The following EFCAB12 variants were observed in gnomAD, a reference collection of about 807,000 sequenced individuals.
The protein encoded by EFCAB12 is EF-hand calcium binding domain 12.
A neutral mutation model predicts 53.6 loss-of-function variants in EFCAB12; 43 were observed. The ratio of observed to expected loss-of-function variants is 0.80; its 90% CI spans 0.63 to 1.03. EFCAB12 has a LOEUF of 1.03. Ranked by LOEUF, EFCAB12 falls within the 50% of genes least tolerant of loss-of-function variation. EFCAB12 has a pLI of 0.00. For missense variants in EFCAB12, 646 were observed against 730.6 expected (o/e 0.88, Z 1.34); for synonymous variants, 269 against 289.2 (o/e 0.93, Z 0.71).
Position 129,418,426 on chromosome 3 carries a change from C to T in EFCAB12, c.509G>A (p.Arg170Gln), listed in dbSNP as rs374044089. The T allele has an allele frequency of 3.0e-5, 48 of 1,610,176 alleles. No homozygotes were observed. The highest frequency in any genetic ancestry group is 5.3e-5 in the African/African-American group (4 of 74,860). ...CTGGGGCACCATCTGGCGGGACAGC[C>T]GGGAGAGCCTGGGGGCTTTCTTCTG... Reference protein sequence around the residue: ...TTRKKAPRLSRLSRQMVPQLQ... With the variant: ...TTRKKAPRLSQLSRQMVPQLQ... Residue 170 changes from arginine (R) to glutamine (Q), a missense_variant, in exon 3 of 9, where the codon CGG becomes CAG. Arg to Gln is a conservative substitution (Grantham distance 43). Transcript: ENST00000505956.
intron 1 of EFCAB12, among the ~76,000 whole-genome samples, chr3:129,426,359 G>GTTTTTTTTTTTTTTTT (rs71620055): frequency 4.6e-5 from 4 of 87,804 alleles, no homozygotes; most frequent in Non-Finnish European, 7.1e-5. Flanking sequence ...GTTTTTTTTT[G>GTTTTTTTTTTTTTTTT]TTTTTTTTTT....
At chr3:129,410,381 A>G (rs1376006685) in intron 5 of EFCAB12, among the ~76,000 whole-genome samples, 1 of 149,340 alleles carries the variant, frequency 6.7e-6, no homozygotes, top group Non-Finnish European at 1.5e-5. Flanking sequence ...CAGTGGTGCG[A>G]TCTTAGCTCA....
At chr3:129,415,157 T>G in intron 4 of EFCAB12, 88 bp downstream of exon 4, 1 of 1,429,656 alleles carries the variant, frequency 7.0e-7, no homozygotes, top group Non-Finnish European at 9.2e-7. Flanking sequence ...ACTGAGGAAG[T>G]GAGTTTGGAG....
At chr3:129,416,476 A>G (rs1471172138) in intron 3 of EFCAB12, among the ~76,000 whole-genome samples, 1 of 152,206 alleles carries the variant, frequency 6.6e-6, no homozygotes, top group Non-Finnish European at 1.5e-5. Flanking sequence ...GTGCTAAAGA[A>G]TGTAATATTT....
intron 2 of EFCAB12, among the ~76,000 whole-genome samples, chr3:129,420,445 A>G (rs1367808985): frequency 6.6e-6 from 1 of 152,182 alleles, no homozygotes; most frequent in Non-Finnish European, 1.5e-5. Flanking sequence ...CAGAGAGAGA[A>G]TGAGTTGGTA....
At position 129,421,810 on chromosome 3, in the gene EFCAB12, G is replaced by T. The variant is rs752150377; in HGVS notation, c.50-7C>A. 1 of 1,600,094 alleles carries T rather than the reference G, an allele frequency of 6.2e-7. No homozygotes were observed. The highest frequency in any genetic ancestry group is 2.2e-5 in the East Asian group (1 of 44,556). Reference sequence around the variant, plus strand: ...GTCTTAGACGGGCAGAGTCCTTGGGGTAAGAGAGTTAAAAGATGAGTTTCT... The same window carrying T: ...GTCTTAGACGGGCAGAGTCCTTGGGTTAAGAGAGTTAAAAGATGAGTTTCT... On this transcript the variant is annotated splice_polypyrimidine_tract_variant and splice_region_variant and intron_variant, in intron 1 of 8. Coordinates refer to ENST00000505956, the MANE Select transcript of EFCAB12 (RefSeq NM_207307.3).
intron 6 of EFCAB12, among the ~76,000 whole-genome samples, chr3:129,407,785 G>A (rs556627587): frequency 1.1e-4 from 16 of 152,142 alleles, no homozygotes; most frequent in South Asian, 6.2e-4. Flanking sequence ...ATGGTGGTGC[G>A]CACCTTTAGT....
rs779067964 is a variant in EFCAB12 at position 129,428,506 on chromosome 3, G to T, written c.-18C>A. The T allele has an allele frequency of 1.2e-6, 2 of 1,610,412 alleles. No homozygotes were observed. The highest frequency in any genetic ancestry group is 2.2e-5 in the East Asian group (1 of 44,766). Reference sequence around the variant, plus strand: ...TCGTCCATGGTCGTGGTGCTGGGAGGGGGTGCTGAAGGGCGTGTGTGAATG... The same window carrying T: ...TCGTCCATGGTCGTGGTGCTGGGAGTGGGTGCTGAAGGGCGTGTGTGAATG... On this transcript the variant is annotated 5_prime_UTR_variant, in exon 1 of 9. Transcript: ENST00000505956.
At chr3:129,418,228 A>G (rs1447067055) in intron 3 of EFCAB12, 26 bp downstream of exon 3, 1 of 1,585,888 alleles carries the variant, frequency 6.3e-7, no homozygotes, top group East Asian at 2.2e-5. Flanking sequence ...ACTTAGGCCC[A>G]TCCAGAGAAA....
chr3:129,425,784 C>CT (rs1188099371), intron 1 of EFCAB12, among the ~76,000 whole-genome samples: 1 of 152,210 alleles, frequency 6.6e-6, no homozygotes, highest in Non-Finnish European at 1.5e-5. Context: ...CAGACGCCAG[C>CT]TAGTTCAATC....
At chr3:129,404,000 T>C (rs1026347789) in intron 7 of EFCAB12, 1 of 408,672 alleles carries the variant, frequency 2.4e-6, no homozygotes, top group African/African-American at 2.0e-5. Flanking sequence ...CTTATGATTG[T>C]GCAGGACTGG....
Position 129,404,196 on chromosome 3 carries a change from G to GAT in EFCAB12, c.1403+52_1403+53dup, listed in dbSNP as rs903087008. On this transcript the variant is annotated intron_variant, in intron 7 of 8. Transcript: ENST00000505956. ...CAGCCTCCAGCCCCCACACTGAAGG[G>GAT]ATAGCAATGGAGCAGGAGGCCAAGG... 6 of 1,576,554 alleles carry GAT rather than the reference G, an allele frequency of 3.8e-6. No homozygotes were observed. The African/African-American group carries it at 5.4e-5, about 14-fold the overall frequency.
chr3:129,408,996 G>A, intron 5 of EFCAB12, 138 bp from the exon 6 acceptor site: 3 of 893,572 alleles, frequency 3.4e-6, no homozygotes, highest in Non-Finnish European at 5.2e-6. Flanking sequence ...AACGTCCAGT[G>A]GGGCTGCAGT....
intron 7 of EFCAB12, 172 bp from the exon 8 acceptor site, chr3:129,402,751 C>G: frequency 1.6e-6 from 1 of 629,778 alleles, no homozygotes. Context: ...CCTCCATGCT[C>G]CAGGGGAACA....
intron 6 of EFCAB12, among the ~76,000 whole-genome samples, chr3:129,408,407 A>G (rs751115441): frequency 6.6e-6 from 1 of 152,058 alleles, no homozygotes; most frequent in Non-Finnish European, 1.5e-5. Context: ...CAGACCCCCA[A>G]ATCTCAGTTG....
At chr3:129,407,717 C>T (rs981092590) in intron 6 of EFCAB12, among the ~76,000 whole-genome samples, 41 of 152,280 alleles carry the variant, frequency 2.7e-4, no homozygotes, top group African/African-American at 8.4e-4. Flanking sequence ...AGTTCAAGAC[C>T]GGCCTGGCCA....
At chr3:129,404,516 C>T (rs910449910) in intron 6 of EFCAB12, 113 bp from the exon 7 acceptor site, 130 of 1,224,052 alleles carry the variant, frequency 1.1e-4, no homozygotes, top group African/African-American at 6.7e-4. Flanking sequence ...ATTTTTAAGA[C>T]GTTTTCTTCT....
rs2072100481 is a variant in EFCAB12, at chr3:129,415,285, A to T, written c.798T>A (p.Ser266=). ...CCAGGCTGCTCCTTTGCTGAGCCAT[A>T]GACCACTGCTTGTAGGTATTGGCCA... is the stretch of plus-strand genomic sequence containing the variant. ...DILANTYKQW[S]MAQQRSSLAT... Residue 266 remains serine, a synonymous_variant, in exon 4 of 9, where the codon TCT becomes TCA. Coordinates refer to ENST00000505956, the MANE Select transcript of EFCAB12 (RefSeq NM_207307.3). 1.2e-6 allele frequency: 2 copies of T among 1,612,686 alleles called. No homozygotes were observed. Among genetic ancestry groups the T allele is most frequent in the Non-Finnish European group, 1.7e-6 (2 of 1,179,728 alleles).
intron 5 of EFCAB12, among the ~76,000 whole-genome samples, chr3:129,410,258 C>A (rs1467355287): frequency 1.3e-5 from 2 of 151,842 alleles, no homozygotes; most frequent in Non-Finnish European, 2.9e-5. Flanking sequence ...GATCCTCCTA[C>A]TTTGGCCTCC....
Sources: allele counts gnomAD v4.1 joint callset (sites outside exome capture counted in the v4.1 genomes callset), GRCh38; gene constraint gnomAD v4.1.1; transcripts MANE v1.5; gene names NCBI Gene and HGNC (gene_info 2026-07-23, HGNC 2026-07-21).